Variants in PTK7 observed in about 807,000 individuals in gnomAD.
PTK7 encodes the protein protein tyrosine kinase 7 (inactive), also known as inactive tyrosine-protein kinase 7.
Under a neutral mutation model 116.6 loss-of-function variants are expected in PTK7, and 39 were observed. The observed-to-expected ratio is 0.33, with a 90% confidence interval of 0.26 to 0.44. The LOEUF (loss-of-function observed/expected upper bound fraction) is 0.44. PTK7 is among the 20% of genes least tolerant of loss of function. The probability of loss-of-function intolerance (pLI) is 1.00; values close to 1 mark genes in which losing one functional copy is unlikely to be tolerated. For synonymous variants in PTK7, 546 were observed against 563.6 expected, an observed-to-expected ratio of 0.97 and a Z score of 0.44; for missense variants, 1,169 against 1,425.6, an observed-to-expected ratio of 0.82 and a Z score of 2.90.
At chr6:43,093,491 A>G (rs1190688711) in intron 1 of PTK7, among the ~76,000 whole-genome samples, 1 of 152,082 alleles carries the variant, frequency 6.6e-6, no homozygotes, top group Non-Finnish European at 1.5e-5. Context: ...AAGACCAAAG[A>G]GAGGCACACA....
chr6:43,126,508 T>G (rs1769295335), intron 1 of PTK7, among the ~76,000 whole-genome samples: 1 of 152,186 alleles, frequency 6.6e-6, no homozygotes. Context: ...TGCCTTTGTG[T>G]GCCTGACATT....
Position 43,141,930 on chromosome 6 carries a change from G to T in PTK7, c.1769-1G>T. ...CGCCTCGCTGGTCTCTTTTCTTCCA[G>T]TTTTTATCACCTTCAAAGTGGAACC... On this transcript the variant is annotated splice_acceptor_variant, in intron 11 of 19. Coordinates refer to ENST00000230419, the MANE Select transcript of PTK7 (RefSeq NM_002821.5). LOFTEE classifies it high-confidence loss of function. The surrounding 1 kb of genome is among the most constrained non-coding windows in gnomAD (Gnocchi z 4.9). 6.2e-7 allele frequency: 1 copy of T among 1,602,142 alleles called. No homozygotes were observed.
intron 1 of PTK7, among the ~76,000 whole-genome samples, chr6:43,082,393 G>T (rs571958393): frequency 6.6e-6 from 1 of 152,032 alleles, no homozygotes; most frequent in Admixed American, 6.6e-5. Flanking sequence ...GGTCAGGCTG[G>T]TCTCGAACTC....
chr6:43,159,995 TCCAGATGGGCC>T (rs775424276), intron 19 of PTK7, 29 bp downstream of exon 19: 2 of 1,599,912 alleles, frequency 1.3e-6, no homozygotes, highest in African/African-American at 2.7e-5. Flanking sequence ...AGGGGATGAT[TCCAGATGGGCC>T]CCAGATGGGG....
In PTK7 at chr6:43,155,645, C is replaced by CAA. The variant is rs60105248; in HGVS notation, c.2722-3160_2722-3159dup. ...GCCTGGCAACAGAACAAGACTCCAT[C>CAA]AAAAAAAAAAAAAGTTAATGTAATT... On this transcript the variant is annotated intron_variant, in intron 17 of 19. Coordinates refer to ENST00000230419, the MANE Select transcript of PTK7 (RefSeq NM_002821.5). Among the ~76,000 whole-genome samples, 349 of 136,298 alleles carry CAA rather than the reference C, an allele frequency of 2.6e-3. 2 individuals carry two copies. The highest frequency in any genetic ancestry group is 8.0e-3 in the African/African-American group (302 of 37,624). The allele number at this position is 136,298 out of a possible 152,430, so 89.4% of individuals were successfully genotyped here.
chr6:43,125,483 C>T (rs1359118342), intron 1 of PTK7, among the ~76,000 whole-genome samples: 1 of 152,206 alleles, frequency 6.6e-6, no homozygotes, highest in African/African-American at 2.4e-5. Flanking sequence ...GTTTCTGTGG[C>T]AGGTGGTCTG....
intron 1 of PTK7, among the ~76,000 whole-genome samples, chr6:43,096,160 G>A (rs940286188): frequency 6.6e-6 from 1 of 152,198 alleles, no homozygotes; most frequent in Non-Finnish European, 1.5e-5. Context: ...GCCTGTTCTG[G>A]GCCAGGCCTG....
At chr6:43,148,636 A>T (rs1056135356) in intron 17 of PTK7, among the ~76,000 whole-genome samples, 1 of 152,196 alleles carries the variant, frequency 6.6e-6, no homozygotes, top group Admixed American at 6.6e-5. Flanking sequence ...ACTGCAAGTC[A>T]TCACCATCTT....
chr6:43,082,851 C>A (rs888594346), intron 1 of PTK7, among the ~76,000 whole-genome samples: 1 of 152,154 alleles, frequency 6.6e-6, no homozygotes, highest in Non-Finnish European at 1.5e-5. Flanking sequence ...ATAACGAAAG[C>A]CAGTGGAGAA....
intron 1 of PTK7, among the ~76,000 whole-genome samples, chr6:43,125,450 C>A (rs1057069351): frequency 1.3e-5 from 2 of 152,186 alleles, no homozygotes; most frequent in Admixed American, 6.5e-5. Context: ...CTCTGAGTCA[C>A]GCTGTCTCTT....
chr6:43,142,177 A>G lies in PTK7; in HGVS notation c.1925A>G (p.His642Arg), dbSNP rs1461119644. The change falls in exon 13 of 20, where the codon CAC (histidine) becomes CGC (arginine). Residue 642 changes from histidine (H) to arginine (R), a missense_variant. His to Arg is a conservative substitution (Grantham distance 29). Transcript: ENST00000230419. ...LDPTKLGPRM[H>R]IFQNGSLVIH... ...TATGGCTTCTCCCCCGACAGGATGC[A>G]CATCTTCCAGAATGGCTCCCTGGTG... 6.2e-7 allele frequency: 1 copy of G among 1,613,810 alleles called. No homozygotes were observed. The highest frequency in any genetic ancestry group is 1.1e-5 in the South Asian group (1 of 91,084).
At chr6:43,121,157 T>C (rs1468259033) in intron 1 of PTK7, among the ~76,000 whole-genome samples, 2 of 151,460 alleles carry the variant, frequency 1.3e-5, no homozygotes, top group African/African-American at 4.9e-5. Context: ...TTACAGGCGC[T>C]GTGCCTGACT....
At chr6:43,107,310 A>T (rs186024827) in intron 1 of PTK7, among the ~76,000 whole-genome samples, 1 of 152,340 alleles carries the variant, frequency 6.6e-6, no homozygotes. Context: ...GTGATAATAC[A>T]GCAAAGCCTA....
chr6:43,127,229 C>T (rs1389181003), intron 1 of PTK7, among the ~76,000 whole-genome samples: 6 of 152,328 alleles, frequency 3.9e-5, no homozygotes, highest in East Asian at 1.9e-4. Flanking sequence ...CCTGCTGCTT[C>T]GTGTAGCAGT....
chr6:43,099,463 G>C (rs76319548), intron 1 of PTK7, among the ~76,000 whole-genome samples: 3,852 of 151,668 alleles, frequency 0.025, 125 homozygotes, highest in African/African-American at 0.087. Context: ...TCAAACTCCT[G>C]AACTCCAGCA....
intron 1 of PTK7, among the ~76,000 whole-genome samples, chr6:43,096,825 A>G (rs562989765): frequency 1.3e-5 from 2 of 152,346 alleles, no homozygotes; most frequent in South Asian, 4.1e-4. Context: ...ATTTCACTTC[A>G]GGCTAAGTGT....
chr6:43,113,172 C>G (rs191345926), intron 1 of PTK7, among the ~76,000 whole-genome samples: 166 of 152,108 alleles, frequency 1.1e-3, no homozygotes, highest in African/African-American at 3.5e-3. Flanking sequence ...TGGCTCACAC[C>G]TGTAATCCCA....
At position 43,084,420 on chromosome 6, in the gene PTK7, G is replaced by A. The variant is rs184034857; in HGVS notation, c.79+7853G>A. 1.0e-3 allele frequency among the ~76,000 whole-genome samples: 157 copies of A among 152,346 alleles called. 2 individuals carry two copies. Among genetic ancestry groups the A allele is most frequent in the Admixed American group, 2.8e-3 (43 of 15,294 alleles). ...TGCTTGCCAAAGTGTTGGGATTACA[G>A]GCGTAAGCCATCACGCCCAGCCTGG... On this transcript the variant is annotated intron_variant, in intron 1 of 19. Coordinates refer to ENST00000230419, the MANE Select transcript of PTK7 (RefSeq NM_002821.5).
intron 1 of PTK7, among the ~76,000 whole-genome samples, chr6:43,108,241 C>T (rs865867134): frequency 1.3e-5 from 2 of 151,980 alleles, no homozygotes; most frequent in Middle Eastern, 3.4e-3. Context: ...ACTACAGGCG[C>T]CTGCCACCAT....
Sources: allele counts gnomAD v4.1 joint callset (sites outside exome capture counted in the v4.1 genomes callset), GRCh38; gene constraint gnomAD v4.1.1; non-coding constraint Gnocchi (gnomAD v3.1); transcripts MANE v1.5; gene names NCBI Gene and HGNC (gene_info 2026-07-23, HGNC 2026-07-21).